SNTG1: variants seen among roughly 807,000 people sequenced by gnomAD.
SNTG1 encodes the protein syntrophin gamma 1.
A neutral mutation model predicts 74.7 loss-of-function variants in SNTG1; 39 were observed. The observed-to-expected ratio is 0.52, with a 90% CI of 0.40 to 0.68. The LOEUF is 0.68. Ranked by LOEUF, SNTG1 falls within the 30% of genes least tolerant of loss-of-function variation. The probability of loss-of-function intolerance (pLI) is 0.00; values close to 1 mark genes in which losing one functional copy is unlikely to be tolerated. For missense variants in SNTG1, 685 were observed against 609.5 expected (o/e 1.12, Z -1.30); for synonymous variants, 254 against 217.1 (o/e 1.17, Z -1.49).
chr8:50,094,961 A>G (rs1328562582), intron 1 of SNTG1, among the ~76,000 whole-genome samples: 2 of 152,204 alleles, frequency 1.3e-5, no homozygotes, highest in Admixed American at 6.5e-5. Flanking sequence ...TATACACCAT[A>G]GACTATTACA....
intron 12 of SNTG1, among the ~76,000 whole-genome samples, chr8:50,577,748 A>C (rs16915050): frequency 0.015 from 2,236 of 152,324 alleles, 99 homozygotes; most frequent in East Asian, 0.13. Flanking sequence ...GATGATTTCC[A>C]TTATTGTTGC....
At chr8:50,745,774 AG>A (rs1222566680) in intron 17 of SNTG1, among the ~76,000 whole-genome samples, 1 of 152,028 alleles carries the variant, frequency 6.6e-6, no homozygotes, top group East Asian at 1.9e-4. Flanking sequence ...CACACACAAA[AG>A]GAGAGATGTT....
intron 1 of SNTG1, among the ~76,000 whole-genome samples, chr8:50,099,298 T>A (rs950308369): frequency 2.6e-5 from 4 of 152,128 alleles, no homozygotes; most frequent in African/African-American, 9.6e-5. Context: ...ATATTTTACA[T>A]AGTGTCTGTG....
intron 5 of SNTG1, 51 bp from the exon 6 acceptor site, chr8:50,449,617 G>T: frequency 6.9e-7 from 1 of 1,440,080 alleles, no homozygotes; most frequent in South Asian, 1.5e-5. Context: ...TTAGCTAAAA[G>T]CAGCATTTTT....
At chr8:49,957,434 T>TA (rs1810277808) in intron 1 of SNTG1, among the ~76,000 whole-genome samples, 1 of 152,226 alleles carries the variant, frequency 6.6e-6, no homozygotes, top group Non-Finnish European at 1.5e-5. Flanking sequence ...ATTATTGCTG[T>TA]ACTTTGTGTG....
chr8:50,103,266 G>A (rs563299789), intron 1 of SNTG1, among the ~76,000 whole-genome samples: 3 of 152,258 alleles, frequency 2.0e-5, no homozygotes, highest in Admixed American at 1.3e-4. Context: ...TTCTTGAAGA[G>A]GTCCTTCACG....
chr8:50,193,838 ATGTCCCT>A (rs1179028939), intron 2 of SNTG1, among the ~76,000 whole-genome samples: 3 of 152,114 alleles, frequency 2.0e-5, no homozygotes, highest in African/African-American at 7.2e-5. Flanking sequence ...ACCTTAAGGT[ATGTCCCT>A]TGTATGCTGA....
At chr8:50,567,383 G>A (rs773629308) in intron 12 of SNTG1, among the ~76,000 whole-genome samples, 4 of 152,014 alleles carry the variant, frequency 2.6e-5, no homozygotes, top group Non-Finnish European at 4.4e-5. Context: ...CAGATGTAAA[G>A]GAATCTCCTC....
chr8:50,327,301 C>T (rs193273864), intron 2 of SNTG1, among the ~76,000 whole-genome samples: 62 of 152,192 alleles, frequency 4.1e-4, no homozygotes, highest in African/African-American at 1.3e-3. Flanking sequence ...ACCCTTTTCT[C>T]CTTGCAGGTC....
intron 18 of SNTG1, 24 bp from the exon 19 acceptor site, chr8:50,792,647 G>A (rs200189991): frequency 5.8e-5 from 93 of 1,590,230 alleles, no homozygotes; most frequent in Non-Finnish European, 7.8e-5. Flanking sequence ...TATGTTATCT[G>A]ACCTGTTTCT....
intron 1 of SNTG1, among the ~76,000 whole-genome samples, chr8:50,078,699 C>T (rs1230011370): frequency 6.6e-6 from 1 of 152,110 alleles, no homozygotes; most frequent in African/African-American, 2.4e-5. Context: ...TGTCCTAATG[C>T]TCTCCTTTCT....
chr8:50,652,914 A>C (rs988143732), intron 13 of SNTG1, among the ~76,000 whole-genome samples: 1 of 151,990 alleles, frequency 6.6e-6, no homozygotes, highest in Non-Finnish European at 1.5e-5. Context: ...ATCATTATTA[A>C]AAGTCCTTTT....
chr8:50,109,882 G>T (rs976078457), intron 1 of SNTG1, among the ~76,000 whole-genome samples: 3 of 152,126 alleles, frequency 2.0e-5, no homozygotes, highest in African/African-American at 7.2e-5. Flanking sequence ...ATGTTGGATT[G>T]TTCTGGAAGT....
intron 1 of SNTG1, among the ~76,000 whole-genome samples, chr8:50,087,996 T>A (rs2131132293): frequency 7.1e-6 from 1 of 141,124 alleles, no homozygotes; most frequent in Non-Finnish European, 1.5e-5. Flanking sequence ...GTGATCTCAT[T>A]GTTCAATTCC....
intron 1 of SNTG1, among the ~76,000 whole-genome samples, chr8:49,929,033 A>G (rs747357525): frequency 9.9e-5 from 15 of 152,270 alleles, no homozygotes; most frequent in Middle Eastern, 3.4e-3. Flanking sequence ...ATAGGAAAAC[A>G]AAGAAAAAGC....
chr8:50,356,975 T>C (rs1187713042), intron 2 of SNTG1, among the ~76,000 whole-genome samples: 1 of 152,228 alleles, frequency 6.6e-6, no homozygotes, highest in African/African-American at 2.4e-5. Flanking sequence ...TTTCCAGTCT[T>C]AGGGAATGCG....
intron 2 of SNTG1, among the ~76,000 whole-genome samples, chr8:50,347,910 A>C (rs907128814): frequency 2.5e-4 from 38 of 152,342 alleles, no homozygotes; most frequent in African/African-American, 8.9e-4. Flanking sequence ...TGGGCCTGTT[A>C]AGAGCCCAGC....
At chr8:50,261,061 AC>A (rs2087168022) in intron 2 of SNTG1, among the ~76,000 whole-genome samples, 1 of 152,222 alleles carries the variant, frequency 6.6e-6, no homozygotes, top group South Asian at 2.1e-4. Context: ...TTCAGAAAAC[AC>A]CAAGCACAAT....
chr8:50,046,330 C>T (rs17686196), intron 1 of SNTG1, among the ~76,000 whole-genome samples: 23,917 of 152,020 alleles, frequency 0.16, 2,331 homozygotes, highest in Middle Eastern at 0.27. Context: ...GTAATTGGTG[C>T]TCTTTGATCT....
Sources: gnomAD v4.1 joint callset for allele counts (sites outside exome capture counted in the v4.1 genomes callset) on GRCh38, gnomAD v4.1.1 for gene constraint, MANE v1.5 for transcripts, NCBI Gene and HGNC (gene_info 2026-07-23, HGNC 2026-07-21) for gene names.